Variants in QTMAN observed in about 807,000 individuals in gnomAD.
The protein encoded by QTMAN is tRNA-queuosine alpha-mannosyltransferase.
chr2:144,246,598 A>AAAAAG, the QTMAN span, among the ~76,000 whole-genome samples: 2,101 of 148,326 alleles, frequency 0.014, 56 homozygotes, highest in African/African-American at 0.051. Flanking sequence ...AAAAAAAAAA[A>AAAAAG]AAAAGAAAAG....
the QTMAN span, among the ~76,000 whole-genome samples, chr2:144,146,214 T>C: frequency 3.2e-4 from 47 of 148,972 alleles, no homozygotes; most frequent in African/African-American, 1.1e-3. Flanking sequence ...TTTTGATTTA[T>C]GCAATAGACT....
At chr2:144,318,057 C>A in the QTMAN span, among the ~76,000 whole-genome samples, 6 of 152,148 alleles carry the variant, frequency 3.9e-5, no homozygotes, top group Non-Finnish European at 5.9e-5. Flanking sequence ...TCGTCCCTTT[C>A]CCCTTATTGA....
the QTMAN span, among the ~76,000 whole-genome samples, chr2:144,182,033 C>A: frequency 6.6e-6 from 1 of 151,630 alleles, no homozygotes; most frequent in Non-Finnish European, 1.5e-5. Context: ...CCCAAAAGTG[C>A]CAAACTTAGC....
At chr2:144,229,672 T>C in the QTMAN span, among the ~76,000 whole-genome samples, 2 of 152,158 alleles carry the variant, frequency 1.3e-5, no homozygotes, top group Non-Finnish European at 2.9e-5. Flanking sequence ...TATAGAAACA[T>C]ATTAAGTTAG....
At chr2:144,236,042 GA>G in the QTMAN span, among the ~76,000 whole-genome samples, 1 of 151,662 alleles carries the variant, frequency 6.6e-6, no homozygotes, top group Non-Finnish European at 1.5e-5. Context: ...TGGCCTTCAG[GA>G]ATCTATGCAC....
At chr2:143,941,026 G>A in the QTMAN span, 2 of 152,238 alleles carry the variant, frequency 1.3e-5, no homozygotes, top group Non-Finnish European at 2.9e-5. Context: ...AGAGGCAGAA[G>A]GAAGAAAGAG....
the QTMAN span, among the ~76,000 whole-genome samples, chr2:144,267,939 T>C: frequency 3.4e-3 from 521 of 152,314 alleles, 2 homozygotes; most frequent in African/African-American, 0.012. Context: ...ATCCCCAGTG[T>C]GATGGTATTT....
chr2:144,092,320 C>T, the QTMAN span, among the ~76,000 whole-genome samples: 20 of 152,088 alleles, frequency 1.3e-4, 1 homozygote, highest in South Asian at 3.7e-3. Flanking sequence ...GGACTACAGG[C>T]GCCCACCACC....
chr2:144,301,374 C>T, the QTMAN span, among the ~76,000 whole-genome samples: 60 of 152,118 alleles, frequency 3.9e-4, no homozygotes, highest in Non-Finnish European at 6.0e-4. Flanking sequence ...AGATGCGCAC[C>T]ACCACGCCCA....
chr2:144,183,031 TATA>T, the QTMAN span, among the ~76,000 whole-genome samples: 1 of 148,430 alleles, frequency 6.7e-6, no homozygotes, highest in African/African-American at 2.5e-5. Context: ...TTGTAAGCAT[TATA>T]ATATCATATC....
chr2:144,127,861 C>T, the QTMAN span: 1 of 152,026 alleles, frequency 6.6e-6, no homozygotes, highest in Non-Finnish European at 1.5e-5. Context: ...TTATGTTCTT[C>T]CCCCTGTACC....
chr2:144,272,304 A>T, the QTMAN span, among the ~76,000 whole-genome samples: 11 of 152,208 alleles, frequency 7.2e-5, no homozygotes, highest in Non-Finnish European at 1.6e-4. Context: ...AATTTAAAAT[A>T]CTGATTGAAT....
the QTMAN span, among the ~76,000 whole-genome samples, chr2:144,095,641 T>C: frequency 1.3e-5 from 2 of 152,186 alleles, no homozygotes; most frequent in African/African-American, 4.8e-5. Context: ...CTTTTGAGCA[T>C]AGATTCAAAT....
At chr2:144,024,853 A>G in the QTMAN span, among the ~76,000 whole-genome samples, 13 of 152,246 alleles carry the variant, frequency 8.5e-5, no homozygotes, top group African/African-American at 2.7e-4. Context: ...GAAGAAATGA[A>G]TATCAATTTA....
chr2:144,120,717 G>A, the QTMAN span, among the ~76,000 whole-genome samples: 48 of 152,182 alleles, frequency 3.2e-4, no homozygotes, highest in Admixed American at 9.2e-4. Flanking sequence ...AGAACTTCAG[G>A]AAGTATTAGG....
the QTMAN span, among the ~76,000 whole-genome samples, chr2:144,143,754 G>A: frequency 1.3e-5 from 2 of 151,872 alleles, no homozygotes; most frequent in Non-Finnish European, 2.9e-5. Context: ...TGACCTACAG[G>A]TCATAATATA....
At chr2:144,173,045 T>C in the QTMAN span, among the ~76,000 whole-genome samples, 2 of 152,204 alleles carry the variant, frequency 1.3e-5, no homozygotes, top group Admixed American at 6.5e-5. Context: ...TCTAGGTGGA[T>C]AGCTTTTTTC....
At chr2:143,964,072 T>C in the QTMAN span, 1 of 152,254 alleles carries the variant, frequency 6.6e-6, no homozygotes, top group East Asian at 1.9e-4. Flanking sequence ...GGTTTGCCCA[T>C]AAACATTGTA....
chr2:144,022,841 C>A, the QTMAN span, among the ~76,000 whole-genome samples: 1 of 152,028 alleles, frequency 6.6e-6, no homozygotes, highest in South Asian at 2.1e-4. Flanking sequence ...GGATTACAGG[C>A]ATGAGAATGT....
Sources: allele counts gnomAD v4.1 joint callset (sites outside exome capture counted in the v4.1 genomes callset), GRCh38; gene constraint gnomAD v4.1.1; transcripts MANE v1.5; gene names NCBI Gene and HGNC (gene_info 2026-07-23, HGNC 2026-07-21).